Variants in RIMS2 observed in about 807,000 individuals in gnomAD.
RIMS2 encodes regulating synaptic membrane exocytosis protein 2.
Under a neutral mutation model 174.4 loss-of-function variants are expected in RIMS2, and 59 were observed. The observed-to-expected ratio is 0.34, with a 90% CI of 0.27 to 0.42. The LOEUF (loss-of-function observed/expected upper bound fraction) is 0.42. RIMS2 is among the 10% of genes least tolerant of loss of function. The pLI, the probability that RIMS2 is intolerant of heterozygous loss-of-function variation, is 1.00. For missense variants in RIMS2, 1,620 were observed against 1,666.3 expected (o/e 0.97, Z 0.48); for synonymous variants, 606 against 572.5 (o/e 1.06, Z -0.84).
At chr8:103,948,137 A>G (rs1447240053) in intron 14 of RIMS2, among the ~76,000 whole-genome samples, 1 of 152,202 alleles carries the variant, frequency 6.6e-6, no homozygotes, top group Admixed American at 6.5e-5. Context: ...TGCCACAATT[A>G]CATTACTTAA....
At chr8:103,757,008 TGTGAGAGA>T (rs1371270531) in intron 2 of RIMS2, among the ~76,000 whole-genome samples, 29 of 123,226 alleles carry the variant, frequency 2.4e-4, no homozygotes, top group African/African-American at 8.6e-4. Flanking sequence ...TGTGTGTGTG[TGTGAGAGA>T]GAGAGAGAGA....
rs952422644 is a variant in RIMS2, at chr8:103,568,828, C to A, written c.176+67766C>A. 9 of 1,145,994 alleles carry A rather than the reference C, an allele frequency of 7.9e-6. No homozygotes were observed. In the Admixed American group the frequency reaches 1.4e-4, roughly 18 times the overall value. The allele number at this position is 1,145,994 out of a possible 1,614,324, so 71.0% of individuals were successfully genotyped here. A position where few individuals can be genotyped will look rare whatever the true frequency, so the allele number is the denominator to read the frequency against. Reference sequence around the variant, plus strand: ...AGTGCTATAAGAAGCTGAGCATATTCTTCTGTAGGGTTAGCTGGCTGGTCT... The same window carrying A: ...AGTGCTATAAGAAGCTGAGCATATTATTCTGTAGGGTTAGCTGGCTGGTCT... On this transcript the variant is annotated intron_variant, in intron 1 of 23. Coordinates refer to ENST00000504942, the Ensembl canonical transcript of RIMS2.
intron 10 of RIMS2, among the ~76,000 whole-genome samples, chr8:103,923,365 A>G (rs1054906941): frequency 3.3e-5 from 5 of 151,832 alleles, no homozygotes; most frequent in African/African-American, 4.8e-5. Flanking sequence ...TATAATAAGT[A>G]AGTATCACTT....
intron 19 of RIMS2, among the ~76,000 whole-genome samples, chr8:104,097,430 A>G (rs2097781803): frequency 6.6e-6 from 1 of 152,170 alleles, no homozygotes; most frequent in South Asian, 2.1e-4. Context: ...GCATCATATC[A>G]TTTCTGACTC....
chr8:104,151,453 C>G (rs903536578), intron 19 of RIMS2, among the ~76,000 whole-genome samples: 1 of 152,056 alleles, frequency 6.6e-6, no homozygotes, highest in African/African-American at 2.4e-5. Flanking sequence ...CCTGTAGTCC[C>G]AGCTACACTG....
At chr8:103,634,030 C>T (rs1025758404) in intron 1 of RIMS2, among the ~76,000 whole-genome samples, 2 of 151,972 alleles carry the variant, frequency 1.3e-5, no homozygotes, top group Non-Finnish European at 2.9e-5. Context: ...AATTCAGCTC[C>T]GATTTTTGTT....
At chr8:103,635,489 G>A (rs943721491) in intron 1 of RIMS2, among the ~76,000 whole-genome samples, 6 of 152,158 alleles carry the variant, frequency 3.9e-5, no homozygotes, top group African/African-American at 1.4e-4. Context: ...CAGTATGCTT[G>A]GTGCCCTTTC....
intron 1 of RIMS2, among the ~76,000 whole-genome samples, chr8:103,607,917 A>G (rs1185496255): frequency 1.4e-5 from 2 of 139,686 alleles, no homozygotes; most frequent in African/African-American, 2.8e-5. Flanking sequence ...TTTTTTTCAA[A>G]GTTTTCAACT....
At chr8:103,564,753 T>C (rs377095088) in intron 1 of RIMS2, among the ~76,000 whole-genome samples, 137 of 152,246 alleles carry the variant, frequency 9.0e-4, no homozygotes, top group African/African-American at 3.2e-3. Flanking sequence ...CCCACCCAGA[T>C]TGAGGGTGGG....
chr8:103,808,687 A>C (rs760752445), intron 3 of RIMS2, among the ~76,000 whole-genome samples: 22 of 152,126 alleles, frequency 1.4e-4, no homozygotes, highest in Non-Finnish European at 2.9e-4. Context: ...TAAATCTAAG[A>C]GTTACTTTTT....
chr8:104,254,439 T>C (rs1238245894), downstream of RIMS2: 1 of 152,188 alleles, frequency 6.6e-6, no homozygotes, highest in African/African-American at 2.4e-5. Flanking sequence ...GCGTCTGCAG[T>C]GCTTTCTCTG....
At chr8:103,548,314 C>T (rs143805471) in intron 1 of RIMS2, among the ~76,000 whole-genome samples, 120 of 152,270 alleles carry the variant, frequency 7.9e-4, no homozygotes, top group African/African-American at 2.6e-3. Context: ...GCTGATGTGC[C>T]ACGATCAACT....
At chr8:104,036,783 A>G (rs1030142572) in intron 19 of RIMS2, among the ~76,000 whole-genome samples, 1 of 152,020 alleles carries the variant, frequency 6.6e-6, no homozygotes, top group Admixed American at 6.6e-5. Flanking sequence ...AGGCTGAGGC[A>G]GGAGAATCGC....
chr8:103,895,635 A>AT lies in RIMS2; in HGVS notation c.1624+9419dup, dbSNP rs557105900. 1.7e-4 allele frequency among the ~76,000 whole-genome samples: 25 copies of AT among 151,464 alleles called. No homozygotes were observed. In the South Asian group the frequency reaches 3.1e-3, roughly 19 times the overall value. On this transcript the variant is annotated intron_variant, in intron 4 of 23. Coordinates refer to ENST00000504942, the Ensembl canonical transcript of RIMS2. Reference sequence around the variant, plus strand: ...CCGTGGCAGTCAGTTTCTTTGAATGATTTTTTTCCTAGTTATGAGTAATGT... The same window carrying AT: ...CCGTGGCAGTCAGTTTCTTTGAATGATTTTTTTTCCTAGTTATGAGTAATGT...
At position 103,735,622 on chromosome 8, in the gene RIMS2, A is replaced by G. The variant is rs995972082; in HGVS notation, c.388-30605A>G. Among the ~76,000 whole-genome samples the G allele has an allele frequency of 9.2e-5, 14 of 152,118 alleles. 1 individual carries two copies. Among genetic ancestry groups the G allele is most frequent in the Middle Eastern group, 3.2e-3 (1 of 316 alleles). ...CAAATCATGGGAATCTTTGGCAGCC[A>G]TTGCTGATGGTGTGTCTCTTAAGAA... On this transcript the variant is annotated intron_variant, in intron 2 of 23. Transcript: ENST00000504942.
intron 1 of RIMS2, among the ~76,000 whole-genome samples, chr8:103,590,440 T>A (rs2094195829): frequency 6.6e-6 from 1 of 151,324 alleles, no homozygotes; most frequent in Non-Finnish European, 1.5e-5. Flanking sequence ...AACATTGTTC[T>A]TTGCATGCTT....
At chr8:103,822,762 C>T (rs978023593) in intron 3 of RIMS2, among the ~76,000 whole-genome samples, 2 of 151,824 alleles carry the variant, frequency 1.3e-5, no homozygotes, top group African/African-American at 4.8e-5. Flanking sequence ...GATGAAATGC[C>T]ACTTTAGTTT....
At chr8:103,537,793 CT>C (rs1840532572) in intron 1 of RIMS2, among the ~76,000 whole-genome samples, 1 of 151,848 alleles carries the variant, frequency 6.6e-6, no homozygotes, top group South Asian at 2.1e-4. Flanking sequence ...TGGTCTTTTG[CT>C]TTAATCTTTC....
exon 20 of RIMS2, chr8:104,244,950 A>G (rs187159461): frequency 1.0e-4 from 167 of 1,613,922 alleles, no homozygotes; most frequent in African/African-American, 9.9e-4. Context: ...GCACTGTCCA[A>G]AGAAGTACAG....
Sources: gnomAD v4.1 joint callset for allele counts (sites outside exome capture counted in the v4.1 genomes callset) on GRCh38, gnomAD v4.1.1 for gene constraint, MANE v1.5 for transcripts, NCBI Gene and HGNC (gene_info 2026-07-23, HGNC 2026-07-21) for gene names.